Variants in AGAP3 observed in about 807,000 individuals in gnomAD.
The protein encoded by AGAP3 is arf-GAP with GTPase, ANK repeat and PH domain-containing protein 3.
In AGAP3, 24 loss-of-function variants were observed where a neutral mutation model predicts 96.9. The observed-to-expected ratio is 0.25, with a 90% CI of 0.18 to 0.35. AGAP3 has a LOEUF of 0.35. AGAP3 is among the 10% of genes least tolerant of loss of function. AGAP3 has a pLI of 1.00. For missense variants in AGAP3, 876 were observed against 1,254.2 expected, an observed-to-expected ratio of 0.70 and a Z score of 4.55; for synonymous variants, 563 against 536.1, an observed-to-expected ratio of 1.05 and a Z score of -0.69.
At chr7:151,088,432 G>A (rs1798246542) in intron 1 of AGAP3, among the ~76,000 whole-genome samples, 1 of 152,238 alleles carries the variant, frequency 6.6e-6, no homozygotes, top group African/African-American at 2.4e-5. Flanking sequence ...TGTGGCTGGG[G>A]ACTAGGAGAT....
intron 1 of AGAP3, among the ~76,000 whole-genome samples, chr7:151,110,068 C>T (rs1799219454): frequency 6.6e-6 from 1 of 152,238 alleles, no homozygotes; most frequent in Non-Finnish European, 1.5e-5. Context: ...GCTTTCTCAA[C>T]TCCAGGGTGC....
chr7:151,100,037 G>A (rs899481277), intron 1 of AGAP3, among the ~76,000 whole-genome samples: 2 of 152,176 alleles, frequency 1.3e-5, no homozygotes, highest in Admixed American at 6.5e-5. Flanking sequence ...AGTCAGTGAC[G>A]GATCCCTTCC....
At chr7:151,110,036 C>T (rs1442545121) in intron 1 of AGAP3, among the ~76,000 whole-genome samples, 1 of 152,206 alleles carries the variant, frequency 6.6e-6, no homozygotes, top group African/African-American at 2.4e-5. Flanking sequence ...CCAATAGGTG[C>T]CAGAGGCTGA....
rs1490462889 is a variant in AGAP3, at chr7:151,100,749, C to T, written c.331+13677C>T. Among the ~76,000 whole-genome samples, 5 of 152,118 alleles carry T rather than the reference C, an allele frequency of 3.3e-5. No individual in the cohort carries two copies. In the South Asian group the frequency reaches 6.2e-4, roughly 19 times the overall value. ...CCCAGCTACTCAGTTGGCTGAGGTG[C>T]GAGGATCGCCTGAGCCCAGGAGGTT... On this transcript the variant is annotated intron_variant, in intron 1 of 17. Transcript: ENST00000397238.
intron 7 of AGAP3, among the ~76,000 whole-genome samples, chr7:151,119,700 G>A (rs1456579164): frequency 6.6e-6 from 1 of 152,154 alleles, no homozygotes; most frequent in Non-Finnish European, 1.5e-5. Flanking sequence ...CCACCTACCA[G>A]CCTGTGCCTC....
rs978203039 is a variant in AGAP3, at chr7:151,108,984, C to T, written c.332-7809C>T. Among the ~76,000 whole-genome samples the T allele has an allele frequency of 3.9e-5, 6 of 152,094 alleles. No homozygotes were observed. The highest frequency in any genetic ancestry group is 5.9e-5 in the Non-Finnish European group (4 of 68,000). On this transcript the variant is annotated intron_variant, in intron 1 of 17. Transcript: ENST00000397238. The surrounding 1 kb of genome is among the most constrained non-coding windows in gnomAD (Gnocchi z 4.2). The stretch of plus-strand genomic sequence containing the variant: ...GCTTTTCTGGAGAGCTCATAGCTTC[C>T]TAGGGCTGTGGTAATAAACCATTGT...
chr7:151,123,230 T>C (rs1800000057), intron 8 of AGAP3: 2 of 1,069,360 alleles, frequency 1.9e-6, no homozygotes, highest in Non-Finnish European at 1.1e-6. Context: ...GCCCCCTCTT[T>C]TTGGCCTCCC....
Position 151,141,981 on chromosome 7 carries a change from G to A in AGAP3, c.1888G>A (p.Glu630Lys). 2 of 1,614,202 alleles carry A rather than the reference G, an allele frequency of 1.2e-6. No homozygotes were observed. Among genetic ancestry groups the A allele is most frequent in the Non-Finnish European group, 1.7e-6 (2 of 1,180,038 alleles). ...CGAGGCTTCAACGGCGGAGGAGCGG[G>A]AGCTGTGGGTTCAGAGTGTGCAGGC... is the stretch of plus-strand genomic sequence containing the variant. ...HFEASTAEER[E>K]LWVQSVQAQI... The change falls in exon 14 of 18, where the codon GAG becomes AAG. Residue 630 changes from glutamate to lysine, a missense_variant. Transcript: ENST00000397238. The surrounding 1 kb of genome is among the most constrained non-coding windows in gnomAD (Gnocchi z 4.2).
At chr7:151,091,684 A>G (rs1009517053) in intron 1 of AGAP3, among the ~76,000 whole-genome samples, 1 of 152,206 alleles carries the variant, frequency 6.6e-6, no homozygotes, top group African/African-American at 2.4e-5. Flanking sequence ...GTCAGAAGCC[A>G]GAACAGGAAG....
At chr7:151,131,362 C>G (rs568792404) in intron 10 of AGAP3, 1 of 152,232 alleles carries the variant, frequency 6.6e-6, no homozygotes, top group South Asian at 2.1e-4. Context: ...GCTCTGAACT[C>G]GTTGTTAATT....
At chr7:151,098,002 C>T (rs192453018) in intron 1 of AGAP3, among the ~76,000 whole-genome samples, 2 of 152,256 alleles carry the variant, frequency 1.3e-5, no homozygotes, top group East Asian at 3.9e-4. Flanking sequence ...TTTGCAGTGC[C>T]CCCTGGCCAT....
Position 151,114,525 on chromosome 7 carries a change from C to CCCGCG in AGAP3, c.332-2258_332-2254dup, listed in dbSNP as rs1164184751. ...GGGGCTGCCCCAGCAGGCCGGCTCC[C>CCCGCG]CCGCGCCGCGCCGCCGTTCCCGGGC... is the stretch of plus-strand genomic sequence containing the variant. On this transcript the variant is annotated intron_variant, in intron 1 of 17. Coordinates refer to ENST00000397238, the MANE Select transcript of AGAP3 (RefSeq NM_031946.7). The surrounding 1 kb of genome is among the most constrained non-coding windows in gnomAD (Gnocchi z 4.4). Among the ~76,000 whole-genome samples, 1 of 152,130 alleles carries CCCGCG rather than the reference C, an allele frequency of 6.6e-6. No homozygotes were observed. Among genetic ancestry groups the CCCGCG allele is most frequent in the Non-Finnish European group, 1.5e-5 (1 of 68,012 alleles).
At chr7:151,138,114 C>G in intron 11 of AGAP3, 29 bp from the exon 12 acceptor site, 1 of 1,547,488 alleles carries the variant, frequency 6.5e-7, no homozygotes, top group Non-Finnish European at 8.8e-7. Context: ...CCCGGCCTCC[C>G]TTCCCAGTCT....
Position 151,108,635 on chromosome 7 carries a change from C to G in AGAP3, c.332-8158C>G, listed in dbSNP as rs761262126. On this transcript the variant is annotated intron_variant, in intron 1 of 17. Transcript: ENST00000397238. The surrounding 1 kb of genome is among the most constrained non-coding windows in gnomAD (Gnocchi z 4.2). Reference sequence around the variant, plus strand: ...CGCCAGTCCAGACTGCCAGCCGCGTCACCTTGAGGCAGGGTGGGGCAGAGA... The same window carrying G: ...CGCCAGTCCAGACTGCCAGCCGCGTGACCTTGAGGCAGGGTGGGGCAGAGA... Among the ~76,000 whole-genome samples, 1 of 152,216 alleles carries G rather than the reference C, an allele frequency of 6.6e-6. No homozygotes were observed. The highest frequency in any genetic ancestry group is 1.5e-5 in the Non-Finnish European group (1 of 68,042).
At chr7:151,128,324 G>T (rs895722402) in intron 9 of AGAP3, 7 of 487,962 alleles carry the variant, frequency 1.4e-5, no homozygotes, top group Non-Finnish European at 2.6e-5. Context: ...ACACACTGGG[G>T]AGGGAAGACG....
At chr7:151,129,457 G>C (rs1662911191) in intron 10 of AGAP3, among the ~76,000 whole-genome samples, 2 of 152,116 alleles carry the variant, frequency 1.3e-5, no homozygotes, top group African/African-American at 4.8e-5. Flanking sequence ...AGGCCCGAGA[G>C]CACCGCCCAG....
intron 1 of AGAP3, chr7:151,115,039 C>T (rs1375525061): frequency 1.0e-6 from 1 of 995,982 alleles, no homozygotes; most frequent in Non-Finnish European, 1.2e-6. Context: ...CGGGGCCTGG[C>T]GCCCTCGGGA....
At position 151,144,144 on chromosome 7, in the gene AGAP3, G is replaced by A; in HGVS notation, c.*201G>A. 2 of 639,836 alleles carry A rather than the reference G, an allele frequency of 3.1e-6. No homozygotes were observed. The highest frequency in any genetic ancestry group is 5.3e-6 in the Non-Finnish European group (2 of 374,642). 39.6% of individuals were successfully genotyped at this position (639,836 alleles called of 1,614,324 possible). A position where few individuals can be genotyped will look rare whatever the true frequency, so the allele number is the denominator to read the frequency against. On this transcript the variant is annotated 3_prime_UTR_variant, in exon 18 of 18. Coordinates refer to ENST00000397238, the MANE Select transcript of AGAP3 (RefSeq NM_031946.7). Reference sequence around the variant, plus strand: ...GCAGCAGAGAGGGATGAGGGATTTAGCCCTCTGCCCTAAGGTGCCATTGAA... The same window carrying A: ...GCAGCAGAGAGGGATGAGGGATTTAACCCTCTGCCCTAAGGTGCCATTGAA...
intron 1 of AGAP3, among the ~76,000 whole-genome samples, chr7:151,088,853 CCCTCCT>C (rs1798262490): frequency 6.6e-6 from 1 of 152,126 alleles, no homozygotes. Context: ...GCAGAATTTC[CCCTCCT>C]AGAGCCCTCC....
Sources: gnomAD v4.1 joint callset for allele counts (sites outside exome capture counted in the v4.1 genomes callset) on GRCh38, gnomAD v4.1.1 for gene constraint, Gnocchi (gnomAD v3.1) non-coding constraint, MANE v1.5 for transcripts, NCBI Gene and HGNC (gene_info 2026-07-23, HGNC 2026-07-21) for gene names.